Variants in CDH8 observed in about 807,000 individuals in gnomAD.
CDH8 encodes cadherin-8.
A neutral mutation model predicts 68.1 loss-of-function variants in CDH8; 17 were observed. The observed-to-expected ratio is 0.25, with a 90% CI of 0.17 to 0.37. The LOEUF (loss-of-function observed/expected upper bound fraction) is 0.37, where lower values mean the gene tolerates loss of function less well. Ranked by LOEUF, CDH8 falls within the 10% of genes least tolerant of loss-of-function variation. The probability of loss-of-function intolerance (pLI) is 1.00; values close to 1 mark genes in which losing one functional copy is unlikely to be tolerated. For synonymous variants in CDH8, 372 were observed against 365.1 expected, an observed-to-expected ratio of 1.02 and a Z score of -0.21; for missense variants, 763 against 999.3, an observed-to-expected ratio of 0.76 and a Z score of 3.19.
At chr16:61,791,041 T>G (rs904345158) in intron 7 of CDH8, among the ~76,000 whole-genome samples, 2 of 151,996 alleles carry the variant, frequency 1.3e-5, no homozygotes, top group Non-Finnish European at 2.9e-5. Flanking sequence ...GAATAATAGT[T>G]AAAATGACTT....
chr16:61,784,273 C>T (rs1367730899), intron 8 of CDH8, among the ~76,000 whole-genome samples: 1 of 151,708 alleles, frequency 6.6e-6, no homozygotes, highest in East Asian at 1.9e-4. Context: ...CAAAAAAAGG[C>T]AGGGGTTGCA....
chr16:61,648,954 A>C lies in CDH8; in HGVS notation c.*4654T>G, dbSNP rs1376387665. On this transcript the variant is annotated 3_prime_UTR_variant, in exon 12 of 12. Coordinates refer to ENST00000577390, the MANE Select transcript of CDH8 (RefSeq NM_001796.5). ...CAATAAATGTATTTTTAAATGATAG[A>C]TCATAAAGACATGCTCTTCTACAAT... 6.6e-6 allele frequency: 1 copy of C among 152,042 alleles called. No individual in the cohort carries two copies. The highest frequency in any genetic ancestry group is 1.5e-5 in the Non-Finnish European group (1 of 67,952). The allele number at this position is 152,042 out of a possible 1,614,324, so 9.4% of individuals were successfully genotyped here. A position where few individuals can be genotyped will look rare whatever the true frequency, so the allele number is the denominator to read the frequency against.
chr16:61,670,140 A>G (rs1166600974), intron 10 of CDH8, among the ~76,000 whole-genome samples: 1 of 152,048 alleles, frequency 6.6e-6, no homozygotes, highest in African/African-American at 2.4e-5. Flanking sequence ...GATTTTGTAC[A>G]TATCTCCCCT....
chr16:61,730,593 T>G lies in CDH8; in HGVS notation c.1415-3378A>C, dbSNP rs1444527338. The stretch of plus-strand genomic sequence containing the variant: ...TTTATAGCTGTAAAGAATATCATGG[T>G]ACACAAATTCAACTATTTTTTACAT... On this transcript the variant is annotated intron_variant, in intron 8 of 11. Transcript: ENST00000577390. 4.0e-5 allele frequency among the ~76,000 whole-genome samples: 6 copies of G among 151,704 alleles called. No individual in the cohort carries two copies. In the East Asian group the frequency reaches 7.8e-4, roughly 20 times the overall value.
At chr16:61,914,367 T>G (rs757776500) in intron 2 of CDH8, among the ~76,000 whole-genome samples, 10 of 152,218 alleles carry the variant, frequency 6.6e-5, no homozygotes, top group Non-Finnish European at 8.8e-5. Flanking sequence ...AGTGATACTA[T>G]GCATAGATAT....
At chr16:62,022,886 G>A (rs575846610) in intron 1 of CDH8, among the ~76,000 whole-genome samples, 9 of 151,908 alleles carry the variant, frequency 5.9e-5, no homozygotes, top group East Asian at 2.0e-4. Context: ...CTTTGCCTGG[G>A]CTCAGCTCAA....
At chr16:61,964,636 G>C (rs1474005566) in intron 2 of CDH8, among the ~76,000 whole-genome samples, 1 of 151,870 alleles carries the variant, frequency 6.6e-6, no homozygotes, top group African/African-American at 2.4e-5. Flanking sequence ...GAGTGGGTCT[G>C]TGGCCTTGAG....
At chr16:61,657,889 G>A (rs182742706) in intron 10 of CDH8, among the ~76,000 whole-genome samples, 19 of 152,170 alleles carry the variant, frequency 1.2e-4, no homozygotes, top group Non-Finnish European at 1.9e-4. Flanking sequence ...ACTGAGAAAA[G>A]CATTGGTGGG....
intron 10 of CDH8, among the ~76,000 whole-genome samples, chr16:61,682,161 G>A (rs1329690135): frequency 6.6e-6 from 1 of 151,888 alleles, no homozygotes. Context: ...AATGTTTCAA[G>A]TAGAGTTATA....
chr16:61,901,167 A>T lies in CDH8; in HGVS notation c.547+12T>A. The T allele has an allele frequency of 6.2e-7, 1 of 1,607,772 alleles. No homozygotes were observed. The highest frequency in any genetic ancestry group is 8.5e-7 in the Non-Finnish European group (1 of 1,176,342). On this transcript the variant is annotated intron_variant, in intron 3 of 11. Coordinates refer to ENST00000577390, the MANE Select transcript of CDH8 (RefSeq NM_001796.5). ...ACTTTTAATAGATCTGTGAAATTGG[A>T]AGCATACATACCCAAAATGGACATT...
chr16:61,726,193 T>C (rs1435737600), intron 9 of CDH8: 2 of 150,934 alleles, frequency 1.3e-5, no homozygotes, highest in Non-Finnish European at 3.0e-5. Flanking sequence ...TCAGCTGCTG[T>C]TTATTTAAAT....
chr16:61,979,650 T>C (rs745621855), intron 2 of CDH8, among the ~76,000 whole-genome samples: 22 of 151,984 alleles, frequency 1.4e-4, no homozygotes, highest in Non-Finnish European at 2.6e-4. Context: ...TTAGGTTTTT[T>C]TTTTTTCTAA....
chr16:61,933,945 C>A (rs1309784167), intron 2 of CDH8, among the ~76,000 whole-genome samples: 2 of 152,156 alleles, frequency 1.3e-5, no homozygotes, highest in Admixed American at 1.3e-4. Flanking sequence ...ACTAACACAT[C>A]AAAACCTGCG....
At chr16:61,695,448 A>G (rs1342311834) in intron 10 of CDH8, among the ~76,000 whole-genome samples, 1 of 152,098 alleles carries the variant, frequency 6.6e-6, no homozygotes, top group African/African-American at 2.4e-5. Flanking sequence ...CTAGTTCATG[A>G]CCTTATTTGG....
chr16:61,697,815 C>T (rs1964356384), intron 10 of CDH8, among the ~76,000 whole-genome samples: 1 of 152,100 alleles, frequency 6.6e-6, no homozygotes, highest in South Asian at 2.1e-4. Context: ...TTTTTGTTTC[C>T]ACTCTGTAGA....
intron 2 of CDH8, among the ~76,000 whole-genome samples, chr16:61,969,970 C>T (rs1190374629): frequency 6.6e-6 from 1 of 152,220 alleles, no homozygotes; most frequent in Non-Finnish European, 1.5e-5. Flanking sequence ...ACCTCCTTCG[C>T]TGCTATGTGC....
chr16:61,671,646 T>C (rs1017985382), intron 10 of CDH8, among the ~76,000 whole-genome samples: 3 of 152,182 alleles, frequency 2.0e-5, no homozygotes, highest in East Asian at 1.9e-4. Flanking sequence ...GGCAGTTATG[T>C]AGATAAAATT....
chr16:61,944,991 CAAAG>C, intron 2 of CDH8, among the ~76,000 whole-genome samples: 1 of 152,152 alleles, frequency 6.6e-6, no homozygotes, highest in South Asian at 2.1e-4. Context: ...ACAGCAGGTT[CAAAG>C]AAAACTCAAG....
rs17248996 is a variant in CDH8, at chr16:61,795,661, G to A, written c.1278-6179C>T. On this transcript the variant is annotated intron_variant, in intron 7 of 11. Coordinates refer to ENST00000577390, the MANE Select transcript of CDH8 (RefSeq NM_001796.5). ...ACTGTGGAGATGAATATCCAAAAAC[G>A]AAAAGAAATAAATAAGAACTACTAG... Among the ~76,000 whole-genome samples, 938 of 152,130 alleles carry A rather than the reference G, an allele frequency of 6.2e-3. 6 individuals carry two copies. The highest frequency in any genetic ancestry group is 0.011 in the Non-Finnish European group (715 of 67,962).
Sources: allele counts gnomAD v4.1 joint callset (sites outside exome capture counted in the v4.1 genomes callset), GRCh38; gene constraint gnomAD v4.1.1; transcripts MANE v1.5; gene names NCBI Gene and HGNC (gene_info 2026-07-23, HGNC 2026-07-21).